The following SLC9C1 variants were observed in gnomAD, a reference collection of about 807,000 sequenced individuals.
SLC9C1 encodes the protein sodium/hydrogen exchanger 10.
A neutral mutation model predicts 140.9 loss-of-function variants in SLC9C1; 97 were observed. The ratio of observed to expected loss-of-function variants is 0.69; its 90% CI spans 0.58 to 0.82. The LOEUF is 0.82. Among genes scored for constraint, SLC9C1 ranks in the 40% least tolerant of loss-of-function variants. SLC9C1 has a pLI of 0.00. For missense variants in SLC9C1, 1,340 were observed against 1,389.3 expected (o/e 0.96, Z 0.56); for synonymous variants, 440 against 442.6 (o/e 0.99, Z 0.07).
chr3:112,197,602 A>T (rs1247217489), intron 20 of SLC9C1, among the ~76,000 whole-genome samples: 1 of 152,186 alleles, frequency 6.6e-6, no homozygotes, highest in East Asian at 1.9e-4. Context: ...TTCCCCTGAA[A>T]GTTGCAAACC....
At chr3:112,206,132 C>T in intron 16 of SLC9C1, among the ~76,000 whole-genome samples, 1 of 63,788 alleles carries the variant, frequency 1.6e-5, no homozygotes, top group Non-Finnish European at 3.5e-5. Flanking sequence ...CCAGAATCTA[C>T]AATGAACTCA....
At chr3:112,290,905 T>C (rs1045450038) in intron 1 of SLC9C1, among the ~76,000 whole-genome samples, 2 of 152,028 alleles carry the variant, frequency 1.3e-5, no homozygotes, top group African/African-American at 4.8e-5. Flanking sequence ...TTACATTGGC[T>C]TGGTAGTTTT....
chr3:112,165,387 C>T (rs1032485074), intron 26 of SLC9C1, among the ~76,000 whole-genome samples: 2 of 152,142 alleles, frequency 1.3e-5, no homozygotes, highest in Non-Finnish European at 2.9e-5. Flanking sequence ...TGTTTTTTCC[C>T]CATCTTTGTG....
intron 26 of SLC9C1, among the ~76,000 whole-genome samples, chr3:112,167,011 C>T (rs974380831): frequency 6.6e-6 from 1 of 152,064 alleles, no homozygotes; most frequent in Non-Finnish European, 1.5e-5. Flanking sequence ...TAATTATGCA[C>T]TTTTGTTCTT....
chr3:112,250,887 G>A (rs1418360394), intron 10 of SLC9C1, among the ~76,000 whole-genome samples: 1 of 151,970 alleles, frequency 6.6e-6, no homozygotes, highest in African/African-American at 2.4e-5. Flanking sequence ...CCCATTATTG[G>A]GTATTTATCT....
intron 15 of SLC9C1, 69 bp from the exon 16 acceptor site, chr3:112,208,442 TC>T: frequency 9.1e-7 from 1 of 1,101,598 alleles, no homozygotes; most frequent in Non-Finnish European, 1.3e-6. Flanking sequence ...TATACTCATT[TC>T]TGTTCTACTT....
At chr3:112,280,538 C>T in intron 3 of SLC9C1, 145 bp downstream of exon 3, 1 of 692,028 alleles carries the variant, frequency 1.4e-6, no homozygotes, top group South Asian at 2.1e-5. Flanking sequence ...TTCTACATAC[C>T]TGACGTGATG....
chr3:112,267,526 A>C (rs1017333213), intron 7 of SLC9C1, among the ~76,000 whole-genome samples: 3 of 132,930 alleles, frequency 2.3e-5, no homozygotes, highest in African/African-American at 8.3e-5. Flanking sequence ...CAGTGAGCAG[A>C]GATTGGGCCA....
At chr3:112,242,426 C>T (rs2079161006) in intron 11 of SLC9C1, among the ~76,000 whole-genome samples, 1 of 152,036 alleles carries the variant, frequency 6.6e-6, no homozygotes. Context: ...AAGCCAGGCA[C>T]AGAAAGAAAA....
In SLC9C1 at chr3:112,275,045, A is replaced by C. The variant is rs1458747047; in HGVS notation, c.485-20T>G. 1 of 1,537,866 alleles carries C rather than the reference A, an allele frequency of 6.5e-7. No individual in the cohort carries two copies. On this transcript the variant is annotated intron_variant, in intron 5 of 28. Transcript: ENST00000305815. Reference sequence around the variant, plus strand: ...AAAGCCCTACATATGTTGAGGGGGAAAGATGTTTTTTAAAGTGAGAAAAAC... The same window carrying C: ...AAAGCCCTACATATGTTGAGGGGGACAGATGTTTTTTAAAGTGAGAAAAAC...
rs752506749 is a variant in SLC9C1 at position 112,200,695 on chromosome 3, G to A, written c.2374+16C>T. The A allele has an allele frequency of 2.1e-5, 34 of 1,603,180 alleles. No homozygotes were observed. Among genetic ancestry groups the A allele is most frequent in the Non-Finnish European group, 2.7e-5 (32 of 1,174,324 alleles). Reference sequence around the variant, plus strand: ...GATAAGAGATGGTCATGCTAAATAGGATGAGAGCTACTTACCTAGCTCTTT... The same window carrying A: ...GATAAGAGATGGTCATGCTAAATAGAATGAGAGCTACTTACCTAGCTCTTT... On this transcript the variant is annotated intron_variant, in intron 19 of 28. Transcript: ENST00000305815.
At chr3:112,216,187 C>T (rs1380592596) in intron 15 of SLC9C1, among the ~76,000 whole-genome samples, 1 of 152,114 alleles carries the variant, frequency 6.6e-6, no homozygotes. Context: ...CTTCCTTACA[C>T]CTTATACAAA....
At chr3:112,202,469 A>C (rs1202725394) in intron 17 of SLC9C1, 70 bp from the exon 18 acceptor site, 2 of 1,439,904 alleles carry the variant, frequency 1.4e-6, no homozygotes, top group South Asian at 1.4e-5. Flanking sequence ...GATTAGTTTA[A>C]TCAAAATAGT....
At chr3:112,254,121 C>A (rs1341241169) in intron 10 of SLC9C1, among the ~76,000 whole-genome samples, 1 of 152,116 alleles carries the variant, frequency 6.6e-6, no homozygotes, top group Non-Finnish European at 1.5e-5. Flanking sequence ...TTATTGGCAT[C>A]CCTGCAAGGA....
At position 112,200,770 on chromosome 3, in the gene SLC9C1, A is replaced by G. The variant is rs1462719341; in HGVS notation, c.2323-8T>C. 5.6e-6 allele frequency: 9 copies of G among 1,603,546 alleles called. No individual in the cohort carries two copies. The highest frequency in any genetic ancestry group is 7.7e-6 in the Non-Finnish European group (9 of 1,175,034). On this transcript the variant is annotated splice_region_variant and splice_polypyrimidine_tract_variant and intron_variant, in intron 18 of 28. Transcript: ENST00000305815. The stretch of plus-strand genomic sequence containing the variant: ...CACTTGCTTTAATAACATCTAAGGA[A>G]CAAAAGAAATGTTATCCCCATTGGA...
chr3:112,179,735 T>C, intron 22 of SLC9C1, 34 bp from the exon 23 acceptor site: 1 of 1,537,008 alleles, frequency 6.5e-7, no homozygotes, highest in Non-Finnish European at 8.7e-7. Context: ...AAAATACATA[T>C]GCCAGTTAAC....
chr3:112,203,003 A>G (rs1429866077), intron 17 of SLC9C1, among the ~76,000 whole-genome samples: 1 of 151,926 alleles, frequency 6.6e-6, no homozygotes, highest in Non-Finnish European at 1.5e-5. Flanking sequence ...CCTGCCACTA[A>G]TCTCCAAAGG....
At chr3:112,273,358 G>A (rs1459657299) in intron 6 of SLC9C1, among the ~76,000 whole-genome samples, 1 of 152,060 alleles carries the variant, frequency 6.6e-6, no homozygotes, top group Non-Finnish European at 1.5e-5. Context: ...TGAATTGGAA[G>A]TACCTAAAGA....
intron 1 of SLC9C1, among the ~76,000 whole-genome samples, chr3:112,292,628 C>T (rs2080717588): frequency 6.6e-6 from 1 of 152,116 alleles, no homozygotes; most frequent in Non-Finnish European, 1.5e-5. Flanking sequence ...ACTGCAAGCT[C>T]TGCCTCCCGG....
Sources: gnomAD v4.1 joint callset for allele counts (sites outside exome capture counted in the v4.1 genomes callset) on GRCh38, gnomAD v4.1.1 for gene constraint, MANE v1.5 for transcripts, NCBI Gene and HGNC (gene_info 2026-07-23, HGNC 2026-07-21) for gene names.